Variants in FRZB observed in about 807,000 individuals in gnomAD.
FRZB encodes secreted frizzled-related protein 3.
In FRZB, 34 loss-of-function variants were observed where a neutral mutation model predicts 32.5. The observed-to-expected ratio is 1.05, with a 90% CI of 0.80 to 1.39. The LOEUF is 1.39. FRZB is among the 40% of genes most tolerant of loss of function. The pLI is 0.00. For synonymous variants in FRZB, 170 were observed against 159.2 expected, an observed-to-expected ratio of 1.07 and a Z score of -0.51; for missense variants, 423 against 424.8, an observed-to-expected ratio of 1.00 and a Z score of 0.04.
chr2:182,841,309 T>A (rs1695583784), intron 3 of FRZB, among the ~76,000 whole-genome samples: 1 of 152,164 alleles, frequency 6.6e-6, no homozygotes, highest in Non-Finnish European at 1.5e-5. Context: ...ACTTTATATT[T>A]TTTAATACAC....
At position 182,838,505 on chromosome 2, in the gene FRZB, G is replaced by A. The variant is rs1165087830; in HGVS notation, c.701C>T (p.Thr234Ile). Reference sequence around the variant, plus strand: ...GCCAGAGCTGGTATAGAGGTTGACAGTGTCCCGTGGAATGTTTACCAGAGA... The same window carrying A: ...GCCAGAGCTGGTATAGAGGTTGACAATGTCCCGTGGAATGTTTACCAGAGA... ...KSSLVNIPRD[T>I]VNLYTSSGCL... Residue 234 changes from threonine to isoleucine, a missense_variant, in exon 4 of 6, where the codon ACT (threonine) becomes ATT (isoleucine). Coordinates refer to ENST00000295113, the MANE Select transcript of FRZB (RefSeq NM_001463.4). The A allele has an allele frequency of 1.2e-6, 2 of 1,612,830 alleles. No homozygotes were observed. The highest frequency in any genetic ancestry group is 1.7e-5 in the Admixed American group (1 of 59,870).
intron 2 of FRZB, among the ~76,000 whole-genome samples, chr2:182,843,642 G>C (rs886130729): frequency 3.3e-5 from 5 of 152,112 alleles, no homozygotes; most frequent in Non-Finnish European, 5.9e-5. Flanking sequence ...TTTATGGCTG[G>C]GCACAAGCGC....
At chr2:182,865,295 TG>T (rs1695878481) in intron 1 of FRZB, among the ~76,000 whole-genome samples, 1 of 152,204 alleles carries the variant, frequency 6.6e-6, no homozygotes, top group Admixed American at 6.5e-5. Context: ...TCCTTTCATC[TG>T]TATGCCACTT....
chr2:182,865,666 A>G (rs1201201819), intron 1 of FRZB, among the ~76,000 whole-genome samples: 1 of 152,228 alleles, frequency 6.6e-6, no homozygotes, highest in African/African-American at 2.4e-5. Context: ...GATGACTGAG[A>G]TTGCCTGAGA....
chr2:182,838,405 T>G lies in FRZB; in HGVS notation c.797+4A>C. 6.2e-7 allele frequency: 1 copy of G among 1,604,838 alleles called. No homozygotes were observed. On this transcript the variant is annotated splice_donor_region_variant and intron_variant, in intron 4 of 5. Coordinates refer to ENST00000295113, the MANE Select transcript of FRZB (RefSeq NM_001463.4). ...TTATTCTGTATCCTTAAAGAGTGAA[T>G]TACCTGGAACGTTCCTCATCTTCAT...
At chr2:182,858,735 A>C (rs776410866) in intron 2 of FRZB, 51 bp downstream of exon 2, 1 of 1,405,138 alleles carries the variant, frequency 7.1e-7, no homozygotes, top group Admixed American at 1.7e-5. Context: ...AAATTACATC[A>C]ATGACTAATC....
chr2:182,854,346 T>G (rs573137344), intron 2 of FRZB, among the ~76,000 whole-genome samples: 1 of 152,280 alleles, frequency 6.6e-6, no homozygotes, highest in East Asian at 1.9e-4. Context: ...ATCTGAAACC[T>G]GAACAGAGTG....
At chr2:182,852,030 T>C (rs1695715729) in intron 2 of FRZB, among the ~76,000 whole-genome samples, 1 of 152,184 alleles carries the variant, frequency 6.6e-6, no homozygotes, top group African/African-American at 2.4e-5. Context: ...AATCCTATAG[T>C]TTTAAGCTAC....
At chr2:182,849,503 C>T (rs560507439) in intron 2 of FRZB, among the ~76,000 whole-genome samples, 6 of 152,232 alleles carry the variant, frequency 3.9e-5, no homozygotes, top group South Asian at 2.1e-4. Context: ...TTATTTCCTA[C>T]ACCTATACAC....
chr2:182,835,660 T>C (rs1258750488), intron 5 of FRZB, among the ~76,000 whole-genome samples: 1 of 152,154 alleles, frequency 6.6e-6, no homozygotes, highest in Non-Finnish European at 1.5e-5. Context: ...TGAGGATAGG[T>C]AGGGAATACG....
In FRZB at chr2:182,866,082, G is replaced by A. The variant is rs202215920; in HGVS notation, c.471C>T (p.Asp157=). 1.6e-5 allele frequency: 26 copies of A among 1,608,156 alleles called. No homozygotes were observed. Among genetic ancestry groups the A allele is most frequent in the Non-Finnish European group, 1.9e-5 (22 of 1,175,760 alleles). Residue 157 remains aspartate, a synonymous_variant, in exon 1 of 6, where the codon GAC becomes GAT. Transcript: ENST00000295113. The surrounding 1 kb of genome is among the most constrained non-coding windows in gnomAD (Gnocchi z 4.5). ...CISPEAIVTA[D]GADFPMDSSN... ...GGCCGTGTCAAAACTCACCAGCTCCGTCCGCAGTAACGATGGCCTCGGGAG... is the reference window on the plus strand; with the variant it reads ...GGCCGTGTCAAAACTCACCAGCTCCATCCGCAGTAACGATGGCCTCGGGAG...
intron 5 of FRZB, among the ~76,000 whole-genome samples, chr2:182,837,508 G>A (rs1413665314): frequency 6.6e-6 from 1 of 151,928 alleles, no homozygotes; most frequent in East Asian, 1.9e-4. Flanking sequence ...TGCTTGATGA[G>A]GCTCTTGGAA....
At position 182,857,750 on chromosome 2, in the gene FRZB, G is replaced by C. The variant is rs568650507; in HGVS notation, c.526+1036C>G. ...AAATTGAAAACAGTGAAACAATAGAGAAAATGAATAAAACCAAAAGATGTT... is the reference window on the plus strand; with the variant it reads ...AAATTGAAAACAGTGAAACAATAGACAAAATGAATAAAACCAAAAGATGTT... On this transcript the variant is annotated intron_variant, in intron 2 of 5. Coordinates refer to ENST00000295113, the MANE Select transcript of FRZB (RefSeq NM_001463.4). Among the ~76,000 whole-genome samples the C allele has an allele frequency of 3.9e-5, 6 of 151,992 alleles. No homozygotes were observed. The South Asian group carries it at 1.2e-3, about 32-fold the overall frequency.
chr2:182,847,203 T>A (rs1490475411), intron 2 of FRZB, among the ~76,000 whole-genome samples: 1 of 152,228 alleles, frequency 6.6e-6, no homozygotes, highest in East Asian at 1.9e-4. Context: ...ATATGTGTAA[T>A]AAGAACATAT....
chr2:182,862,260 C>T (rs1459750965), intron 1 of FRZB, among the ~76,000 whole-genome samples: 1 of 152,198 alleles, frequency 6.6e-6, no homozygotes, highest in South Asian at 2.1e-4. Flanking sequence ...GTTAACACTG[C>T]CCCAGAAGCC....
In FRZB at chr2:182,833,977, T is replaced by C. The variant is rs1348679890; in HGVS notation, c.*872A>G. On this transcript the variant is annotated 3_prime_UTR_variant, in exon 6 of 6. Transcript: ENST00000295113. ...AATCTTTTCCTGGTCAATACGGCAA[T>C]TCTGATTTATTTTAAAAGAAGAGAA... is the stretch of plus-strand genomic sequence containing the variant. The C allele has an allele frequency of 6.6e-6, 1 of 151,586 alleles. No individual in the cohort carries two copies. Among genetic ancestry groups the C allele is most frequent in the East Asian group, 1.9e-4 (1 of 5,182 alleles). 9.4% of individuals were successfully genotyped at this position (151,586 alleles called of 1,614,324 possible). A position where few individuals can be genotyped will look rare whatever the true frequency, so the allele number is the denominator to read the frequency against.
intron 2 of FRZB, among the ~76,000 whole-genome samples, chr2:182,849,419 C>CA (rs1394427229): frequency 1.6e-4 from 24 of 152,106 alleles, no homozygotes; most frequent in Middle Eastern, 3.4e-3. Context: ...AAAAATAAGA[C>CA]ATTTCTTTCA....
chr2:182,837,989 T>C lies in FRZB; in HGVS notation c.820A>G (p.Ile274Val). The C allele has an allele frequency of 6.2e-7, 1 of 1,612,178 alleles. No homozygotes were observed. The highest frequency in any genetic ancestry group is 8.5e-7 in the Non-Finnish European group (1 of 1,178,800). Residue 274 changes from isoleucine to valine, a missense_variant, in exon 5 of 6, where the codon ATA (isoleucine) becomes GTA (valine). Transcript: ENST00000295113. ...AGTCGATCCTTCCACTTCTCAGCTA[T>C]AGAGCCTTCCACCAAGAGTAATCTG... The part of the protein sequence containing the change: ...RSRLLLVEGS[I>V]AEKWKDRLGK...
chr2:182,858,650 AT>A (rs1695797286), intron 2 of FRZB, 135 bp downstream of exon 2: 1 of 569,616 alleles, frequency 1.8e-6, no homozygotes, highest in Non-Finnish European at 3.0e-6. Context: ...TAAAATTAAT[AT>A]AAATGAGGGA....
Sources: allele counts gnomAD v4.1 joint callset (sites outside exome capture counted in the v4.1 genomes callset), GRCh38; gene constraint gnomAD v4.1.1; non-coding constraint Gnocchi (gnomAD v3.1); transcripts MANE v1.5; gene names NCBI Gene and HGNC (gene_info 2026-07-23, HGNC 2026-07-21).